The following COL15A1 variants were observed in gnomAD, a reference collection of about 807,000 sequenced individuals.
COL15A1 encodes the protein collagen alpha-1(XV) chain.
A neutral mutation model predicts 165.9 loss-of-function variants in COL15A1; 111 were observed. The observed-to-expected ratio is 0.67, with a 90% CI of 0.57 to 0.78. The LOEUF is 0.78. Ranked by LOEUF, COL15A1 falls within the 30% of genes least tolerant of loss-of-function variation. COL15A1 has a pLI of 0.00. For synonymous variants in COL15A1, 659 were observed against 674.8 expected, an observed-to-expected ratio of 0.98 and a Z score of 0.36; for missense variants, 1,745 against 1,789.7, an observed-to-expected ratio of 0.98 and a Z score of 0.45.
intron 19 of COL15A1, 152 bp downstream of exon 19, chr9:99,035,570 T>C (rs1165427740): frequency 2.3e-6 from 2 of 883,486 alleles, no homozygotes; most frequent in Non-Finnish European, 1.8e-6. Context: ...AATGAGATGC[T>C]CTTTACAGCT....
intron 5 of COL15A1, among the ~76,000 whole-genome samples, chr9:98,993,464 C>A (rs1337541300): frequency 6.6e-6 from 1 of 152,162 alleles, no homozygotes; most frequent in Non-Finnish European, 1.5e-5. Context: ...ATGGTCCTGA[C>A]CTTAACCTGT....
chr9:99,067,619 C>T (rs962712063), intron 40 of COL15A1, among the ~76,000 whole-genome samples: 11 of 152,160 alleles, frequency 7.2e-5, no homozygotes, highest in African/African-American at 2.2e-4. Context: ...TCACATACAC[C>T]GTGGAGAAGC....
At chr9:99,042,432 G>T (rs914699730) in intron 24 of COL15A1, among the ~76,000 whole-genome samples, 2 of 152,162 alleles carry the variant, frequency 1.3e-5, no homozygotes, top group Admixed American at 1.3e-4. Flanking sequence ...TAGTGAAATT[G>T]ATTTTTACCA....
chr9:98,964,416 C>T (rs1198359955), intron 2 of COL15A1, among the ~76,000 whole-genome samples: 1 of 152,194 alleles, frequency 6.6e-6, no homozygotes, highest in African/African-American at 2.4e-5. Flanking sequence ...CTGGCTGTTC[C>T]CTTAAACTCA....
intron 30 of COL15A1, 69 bp from the exon 31 acceptor site, chr9:99,052,318 GT>G: frequency 8.7e-7 from 1 of 1,152,414 alleles, no homozygotes; most frequent in Non-Finnish European, 1.3e-6. Context: ...CCCCGGGACA[GT>G]GGCTGCCTGT....
Position 99,069,674 on chromosome 9 carries a change from C to T in COL15A1, c.3955C>T (p.Pro1319Ser), listed in dbSNP as rs1180307245. Reference protein sequence around the residue: ...GRDIMTDPSWPQKVIWHGSSP... With the variant: ...GRDIMTDPSWSQKVIWHGSSP... ...TAACATGACAAAATTACTTTATAGG[C>T]CCCAGAAAGTCATTTGGCATGGCTC... The change falls in exon 42 of 42, where the codon CCC becomes TCC. Residue 1319 changes from proline (P) to serine (S), a missense_variant and splice_region_variant. Physicochemically the swap from Pro to Ser is moderately conservative, Grantham distance 74. Transcript: ENST00000375001. The T allele has an allele frequency of 6.3e-7, 1 of 1,596,344 alleles. No homozygotes were observed. The highest frequency in any genetic ancestry group is 8.6e-7 in the Non-Finnish European group (1 of 1,166,856).
intron 5 of COL15A1, among the ~76,000 whole-genome samples, chr9:98,991,194 T>C (rs897671251): frequency 1.3e-5 from 2 of 152,156 alleles, no homozygotes; most frequent in Admixed American, 6.5e-5. Context: ...GCTTCCACAA[T>C]GGGAAAAGGA....
chr9:98,972,085 G>T (rs1170588717), intron 2 of COL15A1, among the ~76,000 whole-genome samples: 1 of 152,164 alleles, frequency 6.6e-6, no homozygotes, highest in Non-Finnish European at 1.5e-5. Context: ...GCGAAGTAGG[G>T]TTCTCACTGT....
Position 99,059,920 on chromosome 9 carries a change from A to C in COL15A1, c.3369A>C (p.Pro1123=). The C allele has an allele frequency of 6.2e-7, 1 of 1,613,952 alleles. No homozygotes were observed. The highest frequency in any genetic ancestry group is 8.5e-7 in the Non-Finnish European group (1 of 1,179,942). The part of the protein sequence containing the change: ...AVALPGPPGP[P]GQPGLPGSRN... Reference sequence around the variant, plus strand: ...CCCTTCCAGGTCCCCCTGGCCCTCCAGGACAGCCAGGGCTTCCCGGATCCA... The same window carrying C: ...CCCTTCCAGGTCCCCCTGGCCCTCCCGGACAGCCAGGGCTTCCCGGATCCA... Residue 1123 remains proline (P), a synonymous_variant, in exon 36 of 42, where the codon CCA becomes CCC. Transcript: ENST00000375001.
rs764967151 is a variant in COL15A1 at position 99,025,894 on chromosome 9, T to A, written c.1981-10T>A. ...AATGTTGTGGGTTGATTGTCACTGA[T>A]GTTCCCCAGGGCCCTGAGGGACAGC... On this transcript the variant is annotated splice_polypyrimidine_tract_variant and intron_variant, in intron 15 of 41. Coordinates refer to ENST00000375001, the MANE Select transcript of COL15A1 (RefSeq NM_001855.5). The A allele has an allele frequency of 6.2e-7, 1 of 1,612,320 alleles. No individual in the cohort carries two copies. Among genetic ancestry groups the A allele is most frequent in the South Asian group, 1.1e-5 (1 of 90,418 alleles).
At chr9:98,984,814 T>C (rs1048486311) in intron 2 of COL15A1, among the ~76,000 whole-genome samples, 44 of 152,200 alleles carry the variant, frequency 2.9e-4, no homozygotes, top group African/African-American at 8.9e-4. Context: ...TTTTTTGAGA[T>C]GGACTCTCCC....
intron 26 of COL15A1, among the ~76,000 whole-genome samples, chr9:99,047,086 T>C (rs7874819): frequency 0.33 from 50,444 of 152,088 alleles, 9,727 homozygotes; most frequent in East Asian, 0.66. Flanking sequence ...AGGGTAGAAT[T>C]TGTTCTAGGA....
chr9:98,963,006 C>T (rs957572711), intron 2 of COL15A1, among the ~76,000 whole-genome samples: 5 of 152,196 alleles, frequency 3.3e-5, no homozygotes, highest in African/African-American at 9.6e-5. Context: ...TCTCCATCCA[C>T]GTTTACCTTT....
intron 16 of COL15A1, among the ~76,000 whole-genome samples, 188 bp downstream of exon 16, chr9:99,026,154 T>C (rs1399168773): frequency 1.3e-5 from 2 of 152,140 alleles, no homozygotes; most frequent in African/African-American, 4.8e-5. Context: ...CTCAGCACCT[T>C]CCCTGCCCAC....
At chr9:98,989,437 T>A (rs1019868837) in intron 5 of COL15A1, among the ~76,000 whole-genome samples, 179 bp downstream of exon 5, 1 of 152,352 alleles carries the variant, frequency 6.6e-6, no homozygotes, top group South Asian at 2.1e-4. Context: ...CAAAATCCCC[T>A]GGTGAACCGC....
At chr9:99,006,839 G>A (rs1322922811) in intron 9 of COL15A1, among the ~76,000 whole-genome samples, 1 of 152,202 alleles carries the variant, frequency 6.6e-6, no homozygotes, top group Non-Finnish European at 1.5e-5. Context: ...GAGGTGGTGA[G>A]GTCCTAGTTA....
chr9:98,977,721 G>C (rs908813593), intron 2 of COL15A1, among the ~76,000 whole-genome samples: 11 of 152,190 alleles, frequency 7.2e-5, no homozygotes, highest in Admixed American at 1.3e-4. Context: ...AGGTCTAGGG[G>C]GATGGAGGGT....
chr9:99,034,870 G>T, intron 17 of COL15A1, 144 bp from the exon 18 acceptor site: 4 of 872,646 alleles, frequency 4.6e-6, no homozygotes, highest in Non-Finnish European at 7.3e-6. Flanking sequence ...CAAGACAGCT[G>T]TTTCTGTACC....
chr9:98,944,066 C>T lies in COL15A1; in HGVS notation c.5C>T (p.Ala2Val), dbSNP rs1837533393. The T allele has an allele frequency of 1.2e-6, 2 of 1,614,054 alleles. No individual in the cohort carries two copies. Among genetic ancestry groups the T allele is most frequent in the Non-Finnish European group, 8.5e-7 (1 of 1,179,986 alleles). The change falls in exon 1 of 42, where the codon GCA becomes GTA. Residue 2 changes from alanine to valine, a missense_variant. Transcript: ENST00000375001. Reference sequence around the variant, plus strand: ...GGGGCTCCGCAGACCCGCGAGATGGCACCAAGGTAAGACCCGCTTCTCTGC... The same window carrying T: ...GGGGCTCCGCAGACCCGCGAGATGGTACCAAGGTAAGACCCGCTTCTCTGC... M[A>V]PRRNNGQCWC...
Sources: gnomAD v4.1 joint callset for allele counts (sites outside exome capture counted in the v4.1 genomes callset) on GRCh38, gnomAD v4.1.1 for gene constraint, MANE v1.5 for transcripts, NCBI Gene and HGNC (gene_info 2026-07-23, HGNC 2026-07-21) for gene names.